BRDT: variants seen among roughly 807,000 people sequenced by gnomAD.
The protein encoded by BRDT is bromodomain testis-specific protein.
Under a neutral mutation model 113.9 loss-of-function variants are expected in BRDT, and 77 were observed. The ratio of observed to expected loss-of-function variants is 0.68; its 90% CI spans 0.56 to 0.82. The LOEUF (loss-of-function observed/expected upper bound fraction) is 0.82. Among genes scored for constraint, BRDT ranks in the 40% least tolerant of loss-of-function variants. BRDT has a pLI of 0.00. For missense variants in BRDT, 1,027 were observed against 1,105.4 expected (o/e 0.93, Z 1.01); for synonymous variants, 358 against 366.5 (o/e 0.98, Z 0.26).
chr1:91,965,040 C>T lies in BRDT; in HGVS notation c.330+276C>T, dbSNP rs369023129. ...TCTCCTGCCTCAGCCTCCCGAGTAG[C>T]TGGGAATACAGGCACCCACCAACCT... On this transcript the variant is annotated intron_variant, in intron 3 of 18. Transcript: ENST00000399546. Among the ~76,000 whole-genome samples, 651 of 151,806 alleles carry T rather than the reference C, an allele frequency of 4.3e-3. 4 individuals carry two copies. The highest frequency in any genetic ancestry group is 0.017 in the Middle Eastern group (5 of 294).
intron 2 of BRDT, 133 bp from the exon 3 acceptor site, chr1:91,964,494 C>T: frequency 1.8e-6 from 1 of 568,212 alleles, no homozygotes; most frequent in South Asian, 7.0e-5. Flanking sequence ...TGTGCCCAGC[C>T]AGAATATGGC....
At chr1:91,986,959 A>C (rs1415981334) in intron 12 of BRDT, among the ~76,000 whole-genome samples, 1 of 147,696 alleles carries the variant, frequency 6.8e-6, no homozygotes, top group African/African-American at 2.5e-5. Flanking sequence ...TTTTTTTTGG[A>C]GACAGAGTCT....
rs1684525971 is a variant in BRDT, at chr1:91,979,613, TGA to T, written c.1147_1148del (p.Ser383TyrfsTer16). ...TTTCAAAGATCCCGATTGAACCTGTTGAGAGTATGCCTTTATGTTACATCAAA... is the reference window on the plus strand; with the variant it reads ...TTTCAAAGATCCCGATTGAACCTGTTGAGTATGCCTTTATGTTACATCAAA... ...HFSKIPIEPVESMPLCYIKTD... is the reference protein window; with the variant it reads ...HFSKIPIEPVXSMPLCYIKTD... On this transcript the variant is annotated frameshift_variant, in exon 8 of 19. Transcript: ENST00000399546. LOFTEE classifies it high-confidence loss of function. 4 of 1,612,774 alleles carry T rather than the reference TGA, an allele frequency of 2.5e-6. No homozygotes were observed. The highest frequency in any genetic ancestry group is 1.7e-5 in the Admixed American group (1 of 59,660).
chr1:92,004,108 GATTT>G (rs1299607671), intron 16 of BRDT, among the ~76,000 whole-genome samples: 3 of 151,920 alleles, frequency 2.0e-5, no homozygotes, highest in Non-Finnish European at 4.4e-5. Context: ...TACACTGAGG[GATTT>G]ATTTATTTTT....
chr1:92,004,655 G>A, intron 17 of BRDT, 36 bp downstream of exon 17: 2 of 1,509,726 alleles, frequency 1.3e-6, no homozygotes, highest in South Asian at 1.3e-5. Context: ...GGGTTTGGGA[G>A]ATATAGAATG....
At chr1:91,996,095 G>A (rs952387310) in intron 15 of BRDT, among the ~76,000 whole-genome samples, 1 of 152,038 alleles carries the variant, frequency 6.6e-6, no homozygotes, top group African/African-American at 2.4e-5. Flanking sequence ...GATACTTGGA[G>A]GATAACAGAA....
At chr1:91,981,527 C>G in intron 11 of BRDT, 91 bp from the exon 12 acceptor site, 12 of 1,560,074 alleles carry the variant, frequency 7.7e-6, no homozygotes, top group Admixed American at 3.6e-5. Context: ...TACAGGCATG[C>G]GCGACCATGC....
intron 1 of BRDT, among the ~76,000 whole-genome samples, chr1:91,951,463 G>T (rs757928949): frequency 2.6e-5 from 4 of 151,920 alleles, no homozygotes; most frequent in Admixed American, 6.6e-5. Context: ...AGGCGGGGCG[G>T]CAGGGTGGCG....
At chr1:91,996,057 C>G (rs1203692260) in intron 15 of BRDT, among the ~76,000 whole-genome samples, 1 of 152,172 alleles carries the variant, frequency 6.6e-6, no homozygotes, top group South Asian at 2.1e-4. Flanking sequence ...ATATTTATGT[C>G]TACTCTTTTT....
At chr1:91,973,768 A>C (rs1355094982) in intron 4 of BRDT, among the ~76,000 whole-genome samples, 1 of 152,084 alleles carries the variant, frequency 6.6e-6, no homozygotes, top group East Asian at 1.9e-4. Context: ...AATACCCTTT[A>C]TTTCTTTCTC....
chr1:91,974,330 C>T (rs1451839174), intron 4 of BRDT, among the ~76,000 whole-genome samples: 1 of 152,136 alleles, frequency 6.6e-6, no homozygotes, highest in Non-Finnish European at 1.5e-5. Flanking sequence ...ATAGAAACTA[C>T]CATCAGAGTG....
In BRDT at chr1:91,977,418, ACTT is replaced by A. The variant is rs774492107; in HGVS notation, c.969+29_969+31del. The A allele has an allele frequency of 2.4e-5, 35 of 1,429,402 alleles. No individual in the cohort carries two copies. The South Asian group carries it at 5.0e-4, about 20-fold the overall frequency. The allele number at this position is 1,429,402 out of a possible 1,614,324, so 88.5% of individuals were successfully genotyped here. A position where few individuals can be genotyped will look rare whatever the true frequency, so the allele number is the denominator to read the frequency against. ...GGTAAATGTTGCCTTAAAAGGAAGA[ACTT>A]CTTTTTCTTGATTATAAAAGTAATT... On this transcript the variant is annotated intron_variant, in intron 6 of 18. Coordinates refer to ENST00000399546, the MANE Select transcript of BRDT (RefSeq NM_207189.4).
chr1:91,989,448 C>A (rs952988145), intron 12 of BRDT, among the ~76,000 whole-genome samples: 6 of 152,058 alleles, frequency 3.9e-5, no homozygotes, highest in Non-Finnish European at 7.4e-5. Context: ...GCAACCTCTG[C>A]CTTTTGGGTT....
At chr1:91,951,472 C>T (rs903802205) in intron 1 of BRDT, among the ~76,000 whole-genome samples, 69 of 147,348 alleles carry the variant, frequency 4.7e-4, no homozygotes, top group African/African-American at 1.7e-3. Context: ...GGCAGGGTGG[C>T]GGGGGGGCGT....
At chr1:91,997,460 A>G (rs569951784) in intron 15 of BRDT, among the ~76,000 whole-genome samples, 1 of 152,346 alleles carries the variant, frequency 6.6e-6, no homozygotes, top group East Asian at 1.9e-4. Flanking sequence ...CTCATTATAA[A>G]GAGCTAAAGT....
intron 6 of BRDT, 42 bp downstream of exon 6, chr1:91,977,435 A>G: frequency 1.5e-6 from 2 of 1,376,626 alleles, no homozygotes; most frequent in Non-Finnish European, 2.0e-6. Context: ...TTTCTTGATT[A>G]TAAAAGTAAT....
intron 8 of BRDT, 45 bp downstream of exon 8, chr1:91,979,802 T>C: frequency 9.8e-6 from 15 of 1,523,828 alleles, no homozygotes; most frequent in African/African-American, 2.8e-5. Flanking sequence ...TATGAGCTGC[T>C]AATCTATCAG....
chr1:91,981,538 C>T, intron 11 of BRDT, 80 bp from the exon 12 acceptor site: 1 of 1,580,004 alleles, frequency 6.3e-7, no homozygotes, highest in Non-Finnish European at 8.6e-7. Flanking sequence ...GCGACCATGC[C>T]CAGCCTAGGT....
intron 2 of BRDT, among the ~76,000 whole-genome samples, chr1:91,964,101 C>A (rs1682803624): frequency 6.6e-6 from 1 of 152,120 alleles, no homozygotes. Flanking sequence ...CGCTCTGTCC[C>A]CCAGGCTGGA....
Sources: allele counts gnomAD v4.1 joint callset (sites outside exome capture counted in the v4.1 genomes callset), GRCh38; gene constraint gnomAD v4.1.1; transcripts MANE v1.5; gene names NCBI Gene and HGNC (gene_info 2026-07-23, HGNC 2026-07-21).